CYGB: variants seen among roughly 807,000 people sequenced by gnomAD.
CYGB encodes the protein cytoglobin, also known as histoglobin.
Under a neutral mutation model 20.7 loss-of-function variants are expected in CYGB, and 13 were observed. The observed-to-expected ratio is 0.63, with a 90% confidence interval of 0.41 to 1.00. The LOEUF (loss-of-function observed/expected upper bound fraction) is 1.00, where lower values mean the gene tolerates loss of function less well. Among genes scored for constraint, CYGB ranks in the 50% least tolerant of loss-of-function variants. CYGB has a pLI of 0.00. For synonymous variants in CYGB, 93 were observed against 107.4 expected, an observed-to-expected ratio of 0.87 and a Z score of 0.83; for missense variants, 218 against 257.2, an observed-to-expected ratio of 0.85 and a Z score of 1.04.
At chr17:76,542,609 G>A (rs757831917), upstream of CYGB, 3 of 1,613,650 alleles carry the variant, frequency 1.9e-6, no homozygotes, top group East Asian at 4.5e-5. Flanking sequence ...CAGGCCCAGA[G>A]ACTGGGATCA....
chr17:76,529,095 C>T lies in CYGB; in HGVS notation c.540-484G>A, dbSNP rs141691293. ...AAAGGCGCACACCCTGGAGCAGAGA[C>T]GGCTCAATAAACAGTGGCGCCTGGC... On this transcript the variant is annotated intron_variant, in intron 3 of 3. Coordinates refer to ENST00000293230, the MANE Select transcript of CYGB (RefSeq NM_134268.5). The T allele has an allele frequency of 2.6e-3, 2,468 of 933,518 alleles. 43 individuals are homozygous for T. In the African/African-American group the frequency reaches 0.043, roughly 16 times the overall value. The allele number at this position is 933,518 out of a possible 1,614,324, so 57.8% of individuals were successfully genotyped here. A position where few individuals can be genotyped will look rare whatever the true frequency, so the allele number is the denominator to read the frequency against.
At chr17:76,543,337 G>A (rs1195565901) in intron 1 of CYGB, 1 of 342,900 alleles carries the variant, frequency 2.9e-6, no homozygotes, top group East Asian at 7.6e-5. Flanking sequence ...GGTCCACCAG[G>A]CTAATTCTGG....
chr17:76,550,657 T>C (rs930487143), intron 1 of CYGB: 1 of 152,232 alleles, frequency 6.6e-6, no homozygotes, highest in African/African-American at 2.4e-5. Flanking sequence ...GAACCATACA[T>C]TGTAAATGGT....
chr17:76,545,682 A>G (rs1191119415), intron 1 of CYGB: 2 of 294,160 alleles, frequency 6.8e-6, no homozygotes, highest in Non-Finnish European at 1.3e-5. Context: ...TAGCTGTAGG[A>G]TGGAGATCCT....
chr17:76,542,045 A>G (rs747946890), upstream of CYGB, among the ~76,000 whole-genome samples: 32 of 152,254 alleles, frequency 2.1e-4, no homozygotes, highest in Non-Finnish European at 3.8e-4. Flanking sequence ...TTGGCAGGAC[A>G]TGTGTTTTTA....
At chr17:76,543,974 G>T in intron 1 of CYGB, 1 of 464,150 alleles carries the variant, frequency 2.2e-6, no homozygotes, top group Non-Finnish European at 4.4e-6. Flanking sequence ...GCAGTAGCGT[G>T]TGGGAAGGAA....
chr17:76,542,532 C>G (rs1455655223), upstream of CYGB: 5 of 1,614,146 alleles, frequency 3.1e-6, no homozygotes, highest in Non-Finnish European at 4.2e-6. Flanking sequence ...AATCCTGACC[C>G]CAGTGCTTTC....
chr17:76,540,003 G>C, upstream of CYGB: 1 of 885,248 alleles, frequency 1.1e-6, no homozygotes, highest in Admixed American at 2.2e-5. This position sits in a 1 kb window ranked among gnomAD's most constrained non-coding sequence, Gnocchi z 5.0. Context: ...CCACTAATCA[G>C]CTTGAGCCTC....
intron 1 of CYGB, among the ~76,000 whole-genome samples, chr17:76,536,818 T>G (rs1203087826): frequency 6.6e-6 from 1 of 152,214 alleles, no homozygotes; most frequent in Non-Finnish European, 1.5e-5. Context: ...CACTCACCTG[T>G]GCCTGCCCTG....
At position 76,530,960 on chromosome 17, in the gene CYGB, C is replaced by T. The variant is rs1176420203; in HGVS notation, c.539+19G>A. ...CATGGCGGGGAGGCTGCCCAGCCCA[C>T]CCTCGCCCGCCTCCTCACGTGGTGG... is the stretch of plus-strand genomic sequence containing the variant. On this transcript the variant is annotated intron_variant, in intron 3 of 3. Coordinates refer to ENST00000293230, the MANE Select transcript of CYGB (RefSeq NM_134268.5). This position sits in a 1 kb window ranked among gnomAD's most constrained non-coding sequence, Gnocchi z 6.1. 6.4e-7 allele frequency: 1 copy of T among 1,558,230 alleles called. No individual in the cohort carries two copies. Among genetic ancestry groups the T allele is most frequent in the Admixed American group, 1.9e-5 (1 of 53,686 alleles).
At chr17:76,532,030 G>A (rs1181741476) in intron 1 of CYGB, 2 of 216,328 alleles carry the variant, frequency 9.2e-6, no homozygotes, top group African/African-American at 4.5e-5. Context: ...AAGAACTCAG[G>A]TTCTGGAATC....
chr17:76,537,516 C>A lies in CYGB; in HGVS notation c.27G>T (p.Glu9Asp), dbSNP rs150421211. Residue 9 changes from glutamate (E) to aspartate (D), a missense_variant, in exon 1 of 4, where the codon GAG becomes GAT. Glu to Asp is a conservative substitution (Grantham distance 45, BLOSUM62 2). Around this residue, in one of 2 missense-constraint regions of CYGB, gnomAD observed 152 missense variants for 149.9 expected, o/e 1.01. Transcript: ENST00000293230. MEKVPGEM[E>D]IERRERSEEL... The stretch of plus-strand genomic sequence containing the variant: ...CCTCGCTCCGCTCCCTGCGCTCGAT[C>A]TCCATCTCGCCTGGCACTTTCTCCA... 6.4e-7 allele frequency: 1 copy of A among 1,573,318 alleles called. No homozygotes were observed. The highest frequency in any genetic ancestry group is 1.4e-5 in the African/African-American group (1 of 71,080).
chr17:76,529,026 G>A, intron 3 of CYGB: 3 of 981,362 alleles, frequency 3.1e-6, no homozygotes, highest in Non-Finnish European at 3.6e-6. Flanking sequence ...TACACACAGC[G>A]CCCCCTGCAG....
At chr17:76,540,253 G>GGGT (rs2074972800), upstream of CYGB, 12 of 1,048,688 alleles carry the variant, frequency 1.1e-5, no homozygotes, top group South Asian at 4.2e-5. The surrounding 1 kb of genome is among the most constrained non-coding windows in gnomAD (Gnocchi z 5.0). Flanking sequence ...CGGTTGGTCG[G>GGGT]GGGGGGGGGG....
chr17:76,531,000 T>G lies in CYGB; in HGVS notation c.518A>C (p.Gln173Pro), dbSNP rs781348163. 6.2e-7 allele frequency: 1 copy of G among 1,611,036 alleles called. No individual in the cohort carries two copies. Among genetic ancestry groups the G allele is most frequent in the Non-Finnish European group, 8.5e-7 (1 of 1,178,524 alleles). Residue 173 changes from glutamine (Q) to proline (P), a missense_variant, in exon 3 of 4, where the codon CAG becomes CCG. Physicochemically the swap from Gln to Pro is moderately conservative, Grantham distance 76. This residue lies in a region of CYGB where 66 missense variants were observed against 107.4 expected (regional missense o/e 0.61). Coordinates refer to ENST00000293230, the MANE Select transcript of CYGB (RefSeq NM_134268.5). This position sits in a 1 kb window ranked among gnomAD's most constrained non-coding sequence, Gnocchi z 6.1. ...TAAYKEVGWV[Q>P]QVPNATTPPA... ...TCACGTGGTGGCGTTGGGGACCTGC[T>G]GCACCCAGCCCACTTCCTTGTAGGC...
In CYGB at chr17:76,531,164, G is replaced by C. The variant is rs777078364; in HGVS notation, c.376-22C>G. On this transcript the variant is annotated intron_variant, in intron 2 of 3. Transcript: ENST00000293230. The surrounding 1 kb of genome is among the most constrained non-coding windows in gnomAD (Gnocchi z 7.4). ...GGATCTGGGGGCAAAGGGAGGAAGG[G>C]GGAGTGAACGCCCGGGCGCCCTGCG... The C allele has an allele frequency of 1.9e-6, 3 of 1,606,154 alleles. No homozygotes were observed. In the South Asian group the frequency reaches 3.3e-5, roughly 18 times the overall value.
At chr17:76,541,119 C>T (rs1022211241), upstream of CYGB, among the ~76,000 whole-genome samples, 5 of 152,310 alleles carry the variant, frequency 3.3e-5, no homozygotes, top group African/African-American at 1.2e-4. Flanking sequence ...TAGGCTGGAG[C>T]CATGTGGTCT....
Position 76,531,607 on chromosome 17 carries a change from G to C in CYGB, c.228C>G (p.Pro76=). The C allele has an allele frequency of 6.2e-7, 1 of 1,613,738 alleles. No homozygotes were observed. The highest frequency in any genetic ancestry group is 1.1e-5 in the South Asian group (1 of 91,078). Residue 76 remains proline, a synonymous_variant, in exon 2 of 4, where the codon CCC becomes CCG. Transcript: ENST00000293230. This position sits in a 1 kb window ranked among gnomAD's most constrained non-coding sequence, Gnocchi z 7.4. ...CTCGGCAGGCGTGCTTCCGCAGCTGGGGGCTCCGCTCCATCTCCAGGGGAT... is the reference window on the plus strand; with the variant it reads ...CTCGGCAGGCGTGCTTCCGCAGCTGCGGGCTCCGCTCCATCTCCAGGGGAT... ...MEDPLEMERS[P]QLRKHACRVM...
Position 76,528,513 on chromosome 17 carries a change from G to T in CYGB, c.*65C>A. On this transcript the variant is annotated 3_prime_UTR_variant, in exon 4 of 4. Coordinates refer to ENST00000293230, the MANE Select transcript of CYGB (RefSeq NM_134268.5). The surrounding 1 kb of genome is among the most constrained non-coding windows in gnomAD (Gnocchi z 5.8). ...TGGCACCCAGAAATGGAGCGTCAAGGAGGGTCTTCAGAACTCGGCCTTCTG... is the reference window on the plus strand; with the variant it reads ...TGGCACCCAGAAATGGAGCGTCAAGTAGGGTCTTCAGAACTCGGCCTTCTG... The T allele has an allele frequency of 8.1e-7, 1 of 1,236,006 alleles. No individual in the cohort carries two copies. The highest frequency in any genetic ancestry group is 3.1e-5 in the East Asian group (1 of 31,820). 76.6% of individuals were successfully genotyped at this position (1,236,006 alleles called of 1,614,324 possible). A position where few individuals can be genotyped will look rare whatever the true frequency, so the allele number is the denominator to read the frequency against.
Sources: allele counts gnomAD v4.1 joint callset (sites outside exome capture counted in the v4.1 genomes callset), GRCh38; gene constraint gnomAD v4.1.1; regional missense constraint gnomAD v4.1.1; non-coding constraint Gnocchi (gnomAD v3.1); transcripts MANE v1.5; gene names NCBI Gene and HGNC (gene_info 2026-07-23, HGNC 2026-07-21).